PCCA: variants seen among roughly 807,000 people sequenced by gnomAD.
The protein encoded by PCCA is propionyl-CoA carboxylase subunit alpha, also known as propionyl-CoA carboxylase alpha chain, mitochondrial.
A neutral mutation model predicts 101.3 loss-of-function variants in PCCA; 74 were observed. The ratio of observed to expected loss-of-function variants is 0.73; its 90% CI spans 0.61 to 0.89. The LOEUF (loss-of-function observed/expected upper bound fraction) is 0.89, where lower values mean the gene tolerates loss of function less well. Ranked by LOEUF, PCCA falls within the 40% of genes least tolerant of loss-of-function variation. PCCA has a pLI of 0.00. For synonymous variants in PCCA, 294 were observed against 313.6 expected, an observed-to-expected ratio of 0.94 and a Z score of 0.66; for missense variants, 891 against 907.0, an observed-to-expected ratio of 0.98 and a Z score of 0.23.
At chr13:100,471,884 G>T (rs2083044647) in intron 21 of PCCA, among the ~76,000 whole-genome samples, 1 of 152,150 alleles carries the variant, frequency 6.6e-6, no homozygotes, top group South Asian at 2.1e-4. Context: ...AGCTCTGTGG[G>T]CCTTGTCTCT....
chr13:100,490,194 A>G (rs2084797656), intron 21 of PCCA: 1 of 152,238 alleles, frequency 6.6e-6, no homozygotes, highest in Non-Finnish European at 1.5e-5. Flanking sequence ...TATAAATTAG[A>G]GCAAATATAC....
Position 100,489,650 on chromosome 13 carries a change from C to T in PCCA, c.1900-25777C>T, listed in dbSNP as rs149593959. Among the ~76,000 whole-genome samples the T allele has an allele frequency of 9.4e-3, 1,432 of 152,250 alleles. 22 individuals are homozygous for T. The highest frequency in any genetic ancestry group is 0.032 in the African/African-American group (1,317 of 41,544). On this transcript the variant is annotated intron_variant, in intron 21 of 23. Transcript: ENST00000376285. ...AAATAACATTGTTAACTGAAAGTGA[C>T]GGAATGGCCGGCCAAATTTATATTT...
At chr13:100,296,173 TTAA>T (rs899440336) in intron 12 of PCCA, among the ~76,000 whole-genome samples, 35 of 152,302 alleles carry the variant, frequency 2.3e-4, no homozygotes, top group African/African-American at 8.4e-4. Context: ...GTCTTTATTT[TTAA>T]TAATGTTTTA....
chr13:100,233,368 T>C (rs2060604498), intron 7 of PCCA, among the ~76,000 whole-genome samples: 1 of 152,244 alleles, frequency 6.6e-6, no homozygotes, highest in Non-Finnish European at 1.5e-5. Flanking sequence ...ACAGATATTG[T>C]GCTTCTGGAA....
intron 7 of PCCA, among the ~76,000 whole-genome samples, chr13:100,223,594 T>G (rs1335092384): frequency 2.6e-5 from 4 of 152,208 alleles, no homozygotes; most frequent in Admixed American, 2.0e-4. Context: ...TGCAAAGAAC[T>G]AAAGAACAAA....
chr13:100,331,934 A>ATTTTTT (rs34411352), intron 17 of PCCA, among the ~76,000 whole-genome samples: 2 of 89,768 alleles, frequency 2.2e-5, no homozygotes, highest in Non-Finnish European at 4.0e-5. Context: ...ATTACTTTGG[A>ATTTTTT]TTTTTTTTTT....
intron 6 of PCCA, among the ~76,000 whole-genome samples, chr13:100,181,023 G>T (rs1003743032): frequency 1.3e-5 from 2 of 152,190 alleles, no homozygotes; most frequent in Non-Finnish European, 2.9e-5. Context: ...TTGGAAGCCA[G>T]GTTCTCTTGC....
intron 18 of PCCA, among the ~76,000 whole-genome samples, chr13:100,347,145 G>A (rs1013307132): frequency 2.0e-5 from 3 of 152,172 alleles, no homozygotes; most frequent in Non-Finnish European, 4.4e-5. Flanking sequence ...AAAGTGCTGG[G>A]TTTACAGGTG....
At chr13:100,377,302 A>C (rs1567032514) in intron 19 of PCCA, among the ~76,000 whole-genome samples, 1 of 152,036 alleles carries the variant, frequency 6.6e-6, no homozygotes, top group Non-Finnish European at 1.5e-5. Flanking sequence ...ACTGTTTTTG[A>C]CTTAAAGCTG....
chr13:100,154,943 G>C (rs777745240), intron 4 of PCCA, 36 bp from the exon 5 acceptor site: 1 of 1,325,686 alleles, frequency 7.5e-7, no homozygotes, highest in South Asian at 1.2e-5. Context: ...TCTTTTTGCT[G>C]GGCGCATCTG....
chr13:100,167,922 A>G (rs1326131929), intron 6 of PCCA, among the ~76,000 whole-genome samples: 1 of 152,084 alleles, frequency 6.6e-6, no homozygotes, highest in Non-Finnish European at 1.5e-5. Flanking sequence ...GCCCACCACC[A>G]CAACTGGCTA....
intron 6 of PCCA, among the ~76,000 whole-genome samples, chr13:100,184,583 T>C (rs1486243061): frequency 1.3e-5 from 2 of 152,230 alleles, no homozygotes; most frequent in African/African-American, 4.8e-5. Context: ...ATAAGTGTTT[T>C]AGGCTTTGTG....
At chr13:100,249,706 G>T in intron 8 of PCCA, among the ~76,000 whole-genome samples, 1 of 152,178 alleles carries the variant, frequency 6.6e-6, no homozygotes, top group East Asian at 1.9e-4. Context: ...TCCTATCCAT[G>T]TACATTGATT....
chr13:100,470,411 T>G (rs1183752097), intron 21 of PCCA, among the ~76,000 whole-genome samples: 1 of 151,352 alleles, frequency 6.6e-6, no homozygotes, highest in African/African-American at 2.4e-5. Flanking sequence ...AATTCCAGAG[T>G]TTTCTACATT....
At chr13:100,277,354 G>A (rs2063739173) in intron 12 of PCCA, among the ~76,000 whole-genome samples, 1 of 152,156 alleles carries the variant, frequency 6.6e-6, no homozygotes, top group South Asian at 2.1e-4. Flanking sequence ...AATGGCAAAT[G>A]ACGTTAGGGC....
chr13:100,380,847 A>C (rs545809324), intron 19 of PCCA, among the ~76,000 whole-genome samples: 1 of 152,256 alleles, frequency 6.6e-6, no homozygotes, highest in Non-Finnish European at 1.5e-5. Flanking sequence ...AATTTTCAGT[A>C]AAGCACTTGT....
chr13:100,354,119 T>TAATAATAAA (rs1463043522), intron 18 of PCCA, among the ~76,000 whole-genome samples: 106 of 137,166 alleles, frequency 7.7e-4, no homozygotes, highest in East Asian at 7.5e-3. Flanking sequence ...ATAATAATAA[T>TAATAATAAA]AAAATAATTC....
In PCCA at chr13:100,319,290, G is replaced by T. The variant is rs564800571; in HGVS notation, c.1429+9382G>T. ...TTTTCTCCCATTCTGTAGGTTGCCT[G>T]TTCACTCTGATGGTAGTTTCTTTTG... On this transcript the variant is annotated intron_variant, in intron 16 of 23. Transcript: ENST00000376285. 3.3e-5 allele frequency among the ~76,000 whole-genome samples: 5 copies of T among 152,172 alleles called. No individual in the cohort carries two copies. In the East Asian group the frequency reaches 9.6e-4, roughly 29 times the overall value.
At chr13:100,423,189 G>A (rs896277534) in intron 19 of PCCA, among the ~76,000 whole-genome samples, 2 of 152,014 alleles carry the variant, frequency 1.3e-5, no homozygotes, top group African/African-American at 4.8e-5. Context: ...GGTTCTTCGT[G>A]TCGGAGTCTA....
Sources: allele counts gnomAD v4.1 joint callset (sites outside exome capture counted in the v4.1 genomes callset), GRCh38; gene constraint gnomAD v4.1.1; transcripts MANE v1.5; gene names NCBI Gene and HGNC (gene_info 2026-07-23, HGNC 2026-07-21).